Variants in CEP43 observed in about 807,000 individuals in gnomAD.
The protein encoded by CEP43 is centrosomal protein 43, also known as FGFR1 oncogene partner.
In CEP43, 36 loss-of-function variants were observed where a neutral mutation model predicts 52.6. The observed-to-expected ratio is 0.68, with a 90% CI of 0.52 to 0.90. The LOEUF (loss-of-function observed/expected upper bound fraction) is 0.90, where lower values mean the gene tolerates loss of function less well. Ranked by LOEUF, CEP43 falls within the 40% of genes least tolerant of loss-of-function variation. The pLI is 0.00. For synonymous variants in CEP43, 192 were observed against 172.4 expected (o/e 1.11, Z -0.89); for missense variants, 506 against 472.8 (o/e 1.07, Z -0.65).
chr6:167,043,972 T>C lies in CEP43; in HGVS notation c.*3994T>C, dbSNP rs942686937. On this transcript the variant is annotated 3_prime_UTR_variant, in exon 13 of 13. Coordinates refer to ENST00000366847, the MANE Select transcript of CEP43 (RefSeq NM_007045.4). ...ACATAGGATGGAATTAGGTAGGGCC[T>C]CTGGAAGTTGATGAGATCATTAGCG... 6.6e-6 allele frequency: 1 copy of C among 152,200 alleles called. No homozygotes were observed. The highest frequency in any genetic ancestry group is 1.5e-5 in the Non-Finnish European group (1 of 68,038). The allele number at this position is 152,200 out of a possible 1,614,324, so 9.4% of individuals were successfully genotyped here.
chr6:167,000,174 A>G (rs1779701352), intron 2 of CEP43, 61 bp downstream of exon 2: 1 of 1,288,248 alleles, frequency 7.8e-7, no homozygotes, highest in Non-Finnish European at 1.1e-6. Context: ...CTTATTCATT[A>G]AAAACCGTCT....
rs1323170468 is a variant in CEP43 at position 167,010,794 on chromosome 6, T to G, written c.439-19T>G. 7.4e-7 allele frequency: 1 copy of G among 1,356,504 alleles called. No individual in the cohort carries two copies. Among genetic ancestry groups the G allele is most frequent in the Non-Finnish European group, 9.9e-7 (1 of 1,007,968 alleles). 84.0% of individuals were successfully genotyped at this position (1,356,504 alleles called of 1,614,324 possible). On this transcript the variant is annotated intron_variant, in intron 5 of 12. Transcript: ENST00000366847. ...TTTTATTTTTAAATGTATTTTAATT[T>G]TAAACTAAAATATTTTAGGGTGCAC...
Position 167,044,431 on chromosome 6 carries a change from C to G in CEP43, c.*4453C>G. 3 of 985,212 alleles carry G rather than the reference C, an allele frequency of 3.0e-6. No individual in the cohort carries two copies. Among genetic ancestry groups the G allele is most frequent in the Non-Finnish European group, 3.6e-6 (3 of 829,852 alleles). The allele number at this position is 985,212 out of a possible 1,614,324, so 61.0% of individuals were successfully genotyped here. On this transcript the variant is annotated 3_prime_UTR_variant, in exon 13 of 13. Transcript: ENST00000366847. ...AAGAAGACCAAGATGACAAGATGCG[C>G]CAGGAGACTTGGCCAGAGGACCTCC...
At chr6:167,032,744 A>G (rs1780498467) in intron 11 of CEP43, 102 bp downstream of exon 11, 2 of 1,068,002 alleles carry the variant, frequency 1.9e-6, no homozygotes, top group Non-Finnish European at 2.6e-6. Flanking sequence ...ATTTTAATGT[A>G]TTTGATTCTG....
intron 5 of CEP43, among the ~76,000 whole-genome samples, chr6:167,008,709 C>T (rs1191665902): frequency 5.3e-5 from 8 of 151,886 alleles, no homozygotes; most frequent in African/African-American, 1.4e-4. Flanking sequence ...TCTCTGACCT[C>T]GTGATCCACC....
intron 7 of CEP43, among the ~76,000 whole-genome samples, chr6:167,018,907 A>G (rs1156969217): frequency 6.6e-6 from 1 of 152,172 alleles, no homozygotes; most frequent in Non-Finnish European, 1.5e-5. Context: ...CAATGTTACA[A>G]CAGTTTGATT....
intron 11 of CEP43, among the ~76,000 whole-genome samples, chr6:167,033,079 C>T (rs867805296): frequency 1.5e-4 from 23 of 148,478 alleles, no homozygotes; most frequent in Middle Eastern, 3.5e-3. Context: ...TGTGGTCTGC[C>T]CTAATAAGAT....
intron 2 of CEP43, among the ~76,000 whole-genome samples, chr6:167,002,950 ATATC>A (rs1779770746): frequency 6.6e-6 from 1 of 152,246 alleles, no homozygotes; most frequent in South Asian, 2.1e-4. Flanking sequence ...GTATTTGAAA[ATATC>A]TAGCTTCAAA....
At chr6:167,002,502 A>G (rs936802951) in intron 2 of CEP43, among the ~76,000 whole-genome samples, 1 of 152,214 alleles carries the variant, frequency 6.6e-6, no homozygotes, top group Non-Finnish European at 1.5e-5. Context: ...TGAAGTGACT[A>G]GGTCACATGC....
At chr6:167,019,496 G>T (rs946028722) in intron 7 of CEP43, among the ~76,000 whole-genome samples, 1 of 152,130 alleles carries the variant, frequency 6.6e-6, no homozygotes, top group Non-Finnish European at 1.5e-5. Flanking sequence ...AACCTAGTTG[G>T]TAATGGTCTT....
At chr6:167,010,935 C>G in intron 6 of CEP43, 42 bp downstream of exon 6, 2 of 1,132,202 alleles carry the variant, frequency 1.8e-6, no homozygotes, top group Non-Finnish European at 1.3e-6. Context: ...CTGGACTTAA[C>G]TCCAGAGTGC....
At chr6:167,030,737 C>G (rs1341629401) in intron 10 of CEP43, among the ~76,000 whole-genome samples, 2 of 152,162 alleles carry the variant, frequency 1.3e-5, no homozygotes, top group Admixed American at 6.6e-5. Flanking sequence ...TTCTGCTTTC[C>G]TTACTTTCAT....
chr6:167,020,841 G>A (rs1292838767), intron 7 of CEP43, among the ~76,000 whole-genome samples: 2 of 150,836 alleles, frequency 1.3e-5, no homozygotes, highest in Non-Finnish European at 2.9e-5. Flanking sequence ...TCTGGGAGGC[G>A]GAGGTTGCAG....
At chr6:167,010,211 C>T (rs1779955770) in intron 5 of CEP43, among the ~76,000 whole-genome samples, 1 of 152,130 alleles carries the variant, frequency 6.6e-6, no homozygotes, top group African/African-American at 2.4e-5. Context: ...TTTTAAAAAC[C>T]TCCTCCTTGG....
At chr6:167,010,110 T>A (rs1266012441) in intron 5 of CEP43, among the ~76,000 whole-genome samples, 1 of 152,262 alleles carries the variant, frequency 6.6e-6, no homozygotes, top group Non-Finnish European at 1.5e-5. Flanking sequence ...GGGATTTTTG[T>A]AACAAACAGC....
Position 167,022,592 on chromosome 6 carries a change from T to G in CEP43, c.763T>G (p.Phe255Val), listed in dbSNP as rs1327391641. Residue 255 changes from phenylalanine to valine, a missense_variant, in exon 8 of 13, where the codon TTC becomes GTC. Phe to Val is a conservative substitution (Grantham distance 50). Coordinates refer to ENST00000366847, the MANE Select transcript of CEP43 (RefSeq NM_007045.4). ...TGAAGATGATATGGAAGGAGATTCT[T>G]TCTTTGATGATCCCATTCCTAAGCC... ...PDEDDMEGDS[F>V]FDDPIPKPEK... 6.2e-7 allele frequency: 1 copy of G among 1,614,168 alleles called. No individual in the cohort carries two copies. Among genetic ancestry groups the G allele is most frequent in the East Asian group, 2.2e-5 (1 of 44,876 alleles).
Position 167,032,580 on chromosome 6 carries a change from ATATCT to A in CEP43, c.989-21_989-17del, listed in dbSNP as rs987074311. 1 of 1,556,910 alleles carries A rather than the reference ATATCT, an allele frequency of 6.4e-7. No individual in the cohort carries two copies. Among genetic ancestry groups the A allele is most frequent in the Admixed American group, 1.9e-5 (1 of 53,874 alleles). Reference sequence around the variant, plus strand: ...AATTGTGACGCACATTAGATATAACATATCTTTTCTTAAACTTATCAGGAACTGGA... The same window carrying A: ...AATTGTGACGCACATTAGATATAACATTTCTTAAACTTATCAGGAACTGGA... On this transcript the variant is annotated intron_variant, in intron 10 of 12. Transcript: ENST00000366847.
intron 7 of CEP43, among the ~76,000 whole-genome samples, chr6:167,015,020 A>G (rs1471414929): frequency 6.6e-6 from 1 of 152,258 alleles, no homozygotes; most frequent in African/African-American, 2.4e-5. Flanking sequence ...GTTTATACAT[A>G]GAGCCAAGGC....
intron 7 of CEP43, among the ~76,000 whole-genome samples, chr6:167,015,590 G>A (rs16899781): frequency 0.018 from 2,798 of 152,274 alleles, 46 homozygotes; most frequent in East Asian, 0.091. Flanking sequence ...CGTGAACTGG[G>A]CATGCGATGC....
Sources: gnomAD v4.1 joint callset for allele counts (sites outside exome capture counted in the v4.1 genomes callset) on GRCh38, gnomAD v4.1.1 for gene constraint, MANE v1.5 for transcripts, NCBI Gene and HGNC (gene_info 2026-07-23, HGNC 2026-07-21) for gene names.